Variants in FLT1 observed in about 807,000 individuals in gnomAD.
The protein encoded by FLT1 is fms related receptor tyrosine kinase 1.
A neutral mutation model predicts 156.3 loss-of-function variants in FLT1; 49 were observed. The ratio of observed to expected loss-of-function variants is 0.31; its 90% CI spans 0.25 to 0.40. The LOEUF is 0.40. Ranked by LOEUF, FLT1 falls within the 10% of genes least tolerant of loss-of-function variation. FLT1 has a pLI of 1.00. For missense variants in FLT1, 1,322 were observed against 1,637.2 expected, an observed-to-expected ratio of 0.81 and a Z score of 3.32; for synonymous variants, 594 against 583.8, an observed-to-expected ratio of 1.02 and a Z score of -0.25.
intron 10 of FLT1, among the ~76,000 whole-genome samples, chr13:28,421,570 T>C (rs1417103404): frequency 1.2e-5 from 1 of 86,126 alleles, no homozygotes; most frequent in Non-Finnish European, 2.5e-5. Flanking sequence ...ATTAACATTA[T>C]AATCACAGAG....
At position 28,308,889 on chromosome 13, in the gene FLT1, A is replaced by G; in HGVS notation, c.3674T>C (p.Ile1225Thr). Residue 1225 changes from isoleucine to threonine, a missense_variant, in exon 28 of 30, where the codon ATC becomes ACC. Transcript: ENST00000282397. ...NAFKFMSLER[I>T]KTFEELLPNA... ...CGGTAAAAGTTCTTCAAAGGTTTTGATTCTTTCCAGGCTCATGAACTTGAA... is the reference window on the plus strand; with the variant it reads ...CGGTAAAAGTTCTTCAAAGGTTTTGGTTCTTTCCAGGCTCATGAACTTGAA... 3.1e-6 allele frequency: 5 copies of G among 1,612,580 alleles called. No homozygotes were observed. Among genetic ancestry groups the G allele is most frequent in the Non-Finnish European group, 3.4e-6 (4 of 1,178,532 alleles).
At chr13:28,483,644 A>G (rs1321495384) in intron 1 of FLT1, among the ~76,000 whole-genome samples, 4 of 152,202 alleles carry the variant, frequency 2.6e-5, no homozygotes, top group African/African-American at 9.6e-5. Context: ...TTGCAGGTCT[A>G]TGTTAAAGGA....
intron 14 of FLT1, among the ~76,000 whole-genome samples, chr13:28,365,572 G>A (rs192680209): frequency 3.1e-4 from 47 of 152,178 alleles, no homozygotes; most frequent in African/African-American, 1.1e-3. Flanking sequence ...GGCTGGTCTC[G>A]AACTCCTGAC....
intron 29 of FLT1, among the ~76,000 whole-genome samples, chr13:28,305,280 G>A (rs1489567672): frequency 6.6e-6 from 1 of 152,148 alleles, no homozygotes; most frequent in Non-Finnish European, 1.5e-5. Context: ...CTAGAGTGTA[G>A]TGGTGCAATT....
At chr13:28,304,696 C>T (rs1870665681) in intron 29 of FLT1, among the ~76,000 whole-genome samples, 1 of 151,758 alleles carries the variant, frequency 6.6e-6, no homozygotes, top group Non-Finnish European at 1.5e-5. Flanking sequence ...CTTCCTCACG[C>T]CCTCCAGCCC....
chr13:28,317,595 C>T lies in FLT1; in HGVS notation c.3289G>A (p.Gly1097Arg), dbSNP rs373615531. The T allele has an allele frequency of 6.2e-7, 1 of 1,608,968 alleles. No individual in the cohort carries two copies. Among genetic ancestry groups the T allele is most frequent in the Non-Finnish European group, 8.5e-7 (1 of 1,175,230 alleles). The change falls in exon 25 of 30, where the codon GGG (glycine) becomes AGG (arginine). Residue 1097 changes from glycine (G) to arginine (R), a missense_variant and splice_region_variant. Around this residue, in one of 3 missense-constraint regions of FLT1, gnomAD observed 329 missense variants for 366.2 expected, o/e 0.90. Transcript: ENST00000282397. Reference sequence around the variant, plus strand: ...ATTTGTACTCCTGGGTATGGAGACCCACCTGCGGGAGACAATGTGGAAAAC... The same window carrying T: ...ATTTGTACTCCTGGGTATGGAGACCTACCTGCGGGAGACAATGTGGAAAAC... ...VLLWEIFSLG[G>R]SPYPGVQMDE...
Position 28,427,273 on chromosome 13 carries a change from G to A in FLT1, c.1322C>T (p.Pro441Leu), listed in dbSNP as rs771714708. The A allele has an allele frequency of 6.8e-6, 11 of 1,613,862 alleles. No homozygotes were observed. Among genetic ancestry groups the A allele is most frequent in the East Asian group, 6.7e-5 (3 of 44,888 alleles). ...TCTGCTGCCCAGTGGGTAGAGAGCC[G>A]GGTCTGGAAACGATGACACGGCCTT... The part of the protein sequence containing the change: ...YEKAVSSFPD[P>L]ALYPLGSRQI... The change falls in exon 10 of 30, where the codon CCG (proline) becomes CTG (leucine). Residue 441 changes from proline (P) to leucine (L), a missense_variant. Pro to Leu is a moderately conservative substitution (Grantham distance 98). Coordinates refer to ENST00000282397, the MANE Select transcript of FLT1 (RefSeq NM_002019.4).
chr13:28,485,021 T>G (rs943230159), intron 1 of FLT1, among the ~76,000 whole-genome samples: 6 of 152,064 alleles, frequency 3.9e-5, no homozygotes, highest in Non-Finnish European at 8.8e-5. Context: ...ACATGGCACA[T>G]GTATACGTAT....
At chr13:28,317,421 A>T (rs1025168110) in intron 25 of FLT1, 77 bp downstream of exon 25, 1 of 941,022 alleles carries the variant, frequency 1.1e-6, no homozygotes, top group Non-Finnish European at 1.8e-6. Context: ...CTAAGAATCC[A>T]TAAAACATCC....
intron 10 of FLT1, among the ~76,000 whole-genome samples, chr13:28,424,439 C>A (rs1357298505): frequency 6.6e-6 from 1 of 152,038 alleles, no homozygotes; most frequent in Non-Finnish European, 1.5e-5. Context: ...GCCTTCATAG[C>A]ATATTTTACT....
chr13:28,485,412 T>G (rs1162912591), intron 1 of FLT1, among the ~76,000 whole-genome samples: 1 of 152,208 alleles, frequency 6.6e-6, no homozygotes, highest in Non-Finnish European at 1.5e-5. Context: ...AAAATTTGAA[T>G]TAAGAATAGA....
At chr13:28,385,472 T>A in intron 13 of FLT1, 2 of 1,004,216 alleles carry the variant, frequency 2.0e-6, no homozygotes, top group African/African-American at 3.5e-5. Flanking sequence ...TTTTGATTGA[T>A]GTATTTGTGG....
At chr13:28,335,210 G>T (rs1324289274) in intron 17 of FLT1, among the ~76,000 whole-genome samples, 1 of 152,160 alleles carries the variant, frequency 6.6e-6, no homozygotes, top group Non-Finnish European at 1.5e-5. Flanking sequence ...AAGAGTAAGT[G>T]AAGTAAGTCA....
intron 25 of FLT1, among the ~76,000 whole-genome samples, chr13:28,313,866 A>G (rs2138817015): frequency 6.8e-6 from 1 of 147,604 alleles, no homozygotes; most frequent in African/African-American, 2.5e-5. Context: ...TGGCTGCCAA[A>G]GGCAGTAAGA....
At chr13:28,367,274 A>C (rs1314233832) in intron 14 of FLT1, among the ~76,000 whole-genome samples, 1 of 152,226 alleles carries the variant, frequency 6.6e-6, no homozygotes, top group African/African-American at 2.4e-5. Flanking sequence ...CATTAGCCCC[A>C]AAAGGACAAG....
chr13:28,394,755 A>G (rs924739883), intron 12 of FLT1, among the ~76,000 whole-genome samples: 2 of 152,152 alleles, frequency 1.3e-5, no homozygotes, highest in Non-Finnish European at 2.9e-5. Flanking sequence ...CCAAGTGAGC[A>G]TGCCTACCGA....
In FLT1 at chr13:28,303,517, G is replaced by A. The variant is rs1870609095; in HGVS notation, c.3816-149C>T. ...ACCCCCCCCCCCTCAATTGCTGTCA[G>A]ATTTCCTCTGTTCTAAAGCTGCACA... On this transcript the variant is annotated intron_variant, in intron 29 of 29. Transcript: ENST00000282397. 4 of 712,510 alleles carry A rather than the reference G, an allele frequency of 5.6e-6. No individual in the cohort carries two copies. The South Asian group carries it at 6.5e-5, about 12-fold the overall frequency. 44.1% of individuals were successfully genotyped at this position (712,510 alleles called of 1,614,324 possible). A position where few individuals can be genotyped will look rare whatever the true frequency, so the allele number is the denominator to read the frequency against.
At chr13:28,408,251 T>C (rs544954248) in intron 10 of FLT1, among the ~76,000 whole-genome samples, 29 of 152,318 alleles carry the variant, frequency 1.9e-4, no homozygotes, top group African/African-American at 6.7e-4. Flanking sequence ...AAATACAGTC[T>C]GCTATCTGAG....
intron 3 of FLT1, among the ~76,000 whole-genome samples, chr13:28,462,716 G>A (rs1879650852): frequency 6.6e-6 from 1 of 152,046 alleles, no homozygotes; most frequent in African/African-American, 2.4e-5. Flanking sequence ...AGGATTCTGA[G>A]TGTCACATTG....
Sources: allele counts gnomAD v4.1 joint callset (sites outside exome capture counted in the v4.1 genomes callset), GRCh38; gene constraint gnomAD v4.1.1; regional missense constraint gnomAD v4.1.1; transcripts MANE v1.5; gene names NCBI Gene and HGNC (gene_info 2026-07-23, HGNC 2026-07-21).